The following ZBBX variants were observed in gnomAD, a reference collection of about 807,000 sequenced individuals.
The protein encoded by ZBBX is zinc finger B-box domain containing.
ZBBX carries 101 observed loss-of-function variants against 108.5 expected under a neutral mutation model. That is an observed-to-expected ratio of 0.93 (90% CI 0.79 to 1.10). The LOEUF is 1.10. Among genes scored for constraint, ZBBX ranks in the 50% least tolerant of loss-of-function variants. The pLI is 0.00. For missense variants in ZBBX, 1,009 were observed against 941.4 expected, an observed-to-expected ratio of 1.07 and a Z score of -0.94; for synonymous variants, 356 against 323.4, an observed-to-expected ratio of 1.10 and a Z score of -1.08.
At chr3:167,320,731 C>T (rs766602573) in intron 12 of ZBBX, among the ~76,000 whole-genome samples, 1 of 151,936 alleles carries the variant, frequency 6.6e-6, no homozygotes, top group Non-Finnish European at 1.5e-5. Flanking sequence ...ATTGACATCA[C>T]GATCCCAGAA....
chr3:167,250,237 C>T (rs985957950), intron 20 of ZBBX, among the ~76,000 whole-genome samples: 3 of 152,192 alleles, frequency 2.0e-5, no homozygotes, highest in Non-Finnish European at 2.9e-5. Context: ...CCTAAAAAAG[C>T]GAGAGGAGAT....
At chr3:167,204,691 G>A in the ZBBX span, among the ~76,000 whole-genome samples, 27,699 of 149,822 alleles carry the variant, frequency 0.18, 2,956 homozygotes, top group Non-Finnish European at 0.25. Flanking sequence ...GAATAGTGCC[G>A]CAATAAACAT....
At chr3:167,249,889 A>G (rs576975256) in intron 20 of ZBBX, among the ~76,000 whole-genome samples, 1 of 152,312 alleles carries the variant, frequency 6.6e-6, no homozygotes, top group Non-Finnish European at 1.5e-5. Context: ...CCCAGTGACG[A>G]GATGGAAGAC....
chr3:167,271,418 C>T (rs73879645), intron 20 of ZBBX, among the ~76,000 whole-genome samples: 2,630 of 152,236 alleles, frequency 0.017, 75 homozygotes, highest in African/African-American at 0.06. Flanking sequence ...TCACTTAACC[C>T]CTTGTCTTCC....
At chr3:167,228,307 G>A in the ZBBX span, among the ~76,000 whole-genome samples, 2 of 151,700 alleles carry the variant, frequency 1.3e-5, no homozygotes. Flanking sequence ...TCTGAGTCAA[G>A]CTGAGTTTTT....
chr3:167,267,801 AAG>A (rs1322517629), intron 20 of ZBBX, among the ~76,000 whole-genome samples: 1 of 152,130 alleles, frequency 6.6e-6, no homozygotes, highest in Non-Finnish European at 1.5e-5. Context: ...TCCGACAATG[AAG>A]ACTCAAAAAA....
At chr3:167,401,855 A>G (rs1748432757) in intron 1 of ZBBX, among the ~76,000 whole-genome samples, 1 of 152,194 alleles carries the variant, frequency 6.6e-6, no homozygotes, top group African/African-American at 2.4e-5. Flanking sequence ...TCTGGTTCAC[A>G]CACCTCTGAC....
At chr3:167,220,169 A>C in the ZBBX span, among the ~76,000 whole-genome samples, 1 of 151,986 alleles carries the variant, frequency 6.6e-6, no homozygotes, top group African/African-American at 2.4e-5. Context: ...AATAAGAATG[A>C]ATACCAATTC....
Position 167,330,944 on chromosome 3 carries a change from T to TC in ZBBX, c.688-2829_688-2828insG, listed in dbSNP as rs1475339687. Among the ~76,000 whole-genome samples the TC allele has an allele frequency of 3.4e-3, 394 of 116,956 alleles. 4 individuals are homozygous for TC. The highest frequency in any genetic ancestry group is 9.7e-3 in the South Asian group (28 of 2,878). 76.7% of individuals were successfully genotyped at this position (116,956 alleles called of 152,430 possible). A position where few individuals can be genotyped will look rare whatever the true frequency, so the allele number is the denominator to read the frequency against. On this transcript the variant is annotated intron_variant, in intron 10 of 21. Coordinates refer to ENST00000675490, the MANE Select transcript of ZBBX (RefSeq NM_001199201.2). ...ATATCTCTTCTCTCTCCTCTCTTTCTTTCTCTCTCTCTCTCTCTCTCCCCC... is the reference window on the plus strand; with the variant it reads ...ATATCTCTTCTCTCTCCTCTCTTTCTCTTCTCTCTCTCTCTCTCTCTCCCCC...
chr3:167,208,523 A>C, the ZBBX span, among the ~76,000 whole-genome samples: 2 of 152,208 alleles, frequency 1.3e-5, no homozygotes, highest in Admixed American at 1.3e-4. Flanking sequence ...CCCTCATTCC[A>C]GGCCTTAGCT....
intron 9 of ZBBX, among the ~76,000 whole-genome samples, chr3:167,342,007 T>C (rs1029658864): frequency 3.3e-5 from 5 of 151,320 alleles, no homozygotes; most frequent in Non-Finnish European, 5.9e-5. Flanking sequence ...ATGAAAAAAA[T>C]CATGAGCTCA....
intron 1 of ZBBX, among the ~76,000 whole-genome samples, chr3:167,387,968 T>C (rs956144994): frequency 6.6e-6 from 1 of 152,038 alleles, no homozygotes; most frequent in Non-Finnish European, 1.5e-5. Flanking sequence ...ATGCCAGGTA[T>C]TGTTTTGGAA....
At chr3:167,259,147 C>T (rs922160366) in intron 20 of ZBBX, among the ~76,000 whole-genome samples, 1 of 152,078 alleles carries the variant, frequency 6.6e-6, no homozygotes, top group Non-Finnish European at 1.5e-5. Flanking sequence ...TTCAATCTCA[C>T]TGCTTGTTAT....
At chr3:167,363,245 T>C (rs1744806588) in intron 6 of ZBBX, among the ~76,000 whole-genome samples, 2 of 152,040 alleles carry the variant, frequency 1.3e-5, no homozygotes, top group East Asian at 3.9e-4. Flanking sequence ...TATATGGCTC[T>C]TTGGCAATCC....
At chr3:167,252,095 A>G (rs1008251257) in intron 20 of ZBBX, 3 of 1,252,404 alleles carry the variant, frequency 2.4e-6, no homozygotes, top group Non-Finnish European at 3.1e-6. Flanking sequence ...TATCAGCCAC[A>G]GCAATTTGAA....
intron 16 of ZBBX, among the ~76,000 whole-genome samples, chr3:167,306,935 AC>A (rs1733745943): frequency 6.6e-6 from 1 of 152,188 alleles, no homozygotes; most frequent in African/African-American, 2.4e-5. Context: ...TTTACAAAGG[AC>A]TTGCTTGTTG....
At chr3:167,405,356 G>A (rs908497474) in intron 1 of ZBBX, among the ~76,000 whole-genome samples, 5 of 152,102 alleles carry the variant, frequency 3.3e-5, no homozygotes, top group African/African-American at 1.2e-4. Context: ...AAACTGCAAT[G>A]AAGAAAAGAA....
the ZBBX span, among the ~76,000 whole-genome samples, chr3:167,201,669 T>C: frequency 6.6e-6 from 1 of 152,078 alleles, no homozygotes; most frequent in East Asian, 1.9e-4. Flanking sequence ...GAAATAATAG[T>C]TCAAATAACT....
the ZBBX span, among the ~76,000 whole-genome samples, chr3:167,200,538 T>A: frequency 6.6e-6 from 1 of 152,162 alleles, no homozygotes; most frequent in Non-Finnish European, 1.5e-5. Context: ...ATCTACTTTC[T>A]CTAAGTAACT....
Sources: gnomAD v4.1 joint callset for allele counts (sites outside exome capture counted in the v4.1 genomes callset) on GRCh38, gnomAD v4.1.1 for gene constraint, MANE v1.5 for transcripts, NCBI Gene and HGNC (gene_info 2026-07-23, HGNC 2026-07-21) for gene names.